The following HOTAIR variants were observed in gnomAD, a reference collection of about 807,000 sequenced individuals.
The protein encoded by HOTAIR is HOX transcript antisense RNA (non-protein coding).
intron 1 of HOTAIR, among the ~76,000 whole-genome samples, chr12:53,970,974 G>T (rs1478702762): frequency 6.6e-6 from 1 of 152,172 alleles, no homozygotes; most frequent in Non-Finnish European, 1.5e-5. Context: ...CCTCTGCAAG[G>T]ATAGGGGTAC....
intron 3 of HOTAIR, chr12:53,966,475 A>T (rs1052145784): frequency 6.6e-6 from 1 of 152,446 alleles, no homozygotes; most frequent in Non-Finnish European, 1.5e-5. Flanking sequence ...AAGGCGGTAC[A>T]CTCGGTAAGG....
At chr12:53,969,904 G>C (rs1024516551) in intron 1 of HOTAIR, among the ~76,000 whole-genome samples, 2 of 152,240 alleles carry the variant, frequency 1.3e-5, no homozygotes, top group Admixed American at 6.5e-5. Flanking sequence ...GAGCAGTGGA[G>C]GAGGTAGACA....
chr12:53,972,936 G>A (rs1050167099), intron 1 of HOTAIR, among the ~76,000 whole-genome samples: 3 of 142,748 alleles, frequency 2.1e-5, no homozygotes, highest in Non-Finnish European at 3.0e-5. Context: ...TCCTTTGCTC[G>A]TGCTGTGGTA....
rs757940064 is a variant in HOTAIR, at chr12:53,973,631, G to C, written n.59+1267C>G. 8.1e-6 allele frequency: 13 copies of C among 1,613,178 alleles called. No individual in the cohort carries two copies. The South Asian group carries it at 1.4e-4, about 18-fold the overall frequency. On this transcript the variant is annotated intron_variant and non_coding_transcript_variant, in intron 1 of 6. Transcript: ENST00000424518. The surrounding 1 kb of genome is among the most constrained non-coding windows in gnomAD (Gnocchi z 4.3). Reference sequence around the variant, plus strand: ...GCGGCCACCACCACCCCAGCGCCCCGCACGCAACCCCCGCCGGCTTCTACT... The same window carrying C: ...GCGGCCACCACCACCCCAGCGCCCCCCACGCAACCCCCGCCGGCTTCTACT...
chr12:53,965,368 G>C (rs1039441340), intron 5 of HOTAIR, among the ~76,000 whole-genome samples: 3 of 152,228 alleles, frequency 2.0e-5, no homozygotes, highest in Non-Finnish European at 2.9e-5. Flanking sequence ...GCCAATGTGA[G>C]GAAGACAGGG....
In HOTAIR at chr12:53,973,447, C is replaced by G. The variant is rs764327229; in HGVS notation, n.59+1451G>C. The G allele has an allele frequency of 2.5e-6, 4 of 1,614,192 alleles. No homozygotes were observed. Among genetic ancestry groups the G allele is most frequent in the Admixed American group, 3.3e-5 (2 of 60,032 alleles). On this transcript the variant is annotated intron_variant and non_coding_transcript_variant, in intron 1 of 6. Transcript: ENST00000424518. The surrounding 1 kb of genome is among the most constrained non-coding windows in gnomAD (Gnocchi z 4.3). ...TATCCCTACTCGGCCCAAGTGCCCC[C>G]GGTCCGGGAGGTCTCCTACGGCCTG...
intron 1 of HOTAIR, chr12:53,972,982 C>T (rs1002759828): frequency 1.5e-4 from 29 of 195,742 alleles, no homozygotes; most frequent in African/African-American, 6.7e-4. Flanking sequence ...AAAACGAATA[C>T]AAATCTGCAA....
At chr12:53,962,352 C>T (rs1938966609) in exon 7 of HOTAIR, 1 of 152,142 alleles carries the variant, frequency 6.6e-6, no homozygotes, top group African/African-American at 2.4e-5. Flanking sequence ...AAAACCACCA[C>T]ACACACACAA....
At chr12:53,964,962 A>T (rs1939024439) in intron 5 of HOTAIR, among the ~76,000 whole-genome samples, 1 of 152,216 alleles carries the variant, frequency 6.6e-6, no homozygotes, top group South Asian at 2.1e-4. Flanking sequence ...ATTACAAGTA[A>T]GGGGATAATA....
chr12:53,972,649 G>C (rs979310242), intron 1 of HOTAIR, among the ~76,000 whole-genome samples: 1 of 152,294 alleles, frequency 6.6e-6, no homozygotes, highest in East Asian at 1.9e-4. Context: ...TTGTGAACAG[G>C]CGGTGTCTCT....
At chr12:53,970,361 G>A (rs934884090) in intron 1 of HOTAIR, among the ~76,000 whole-genome samples, 16 of 152,208 alleles carry the variant, frequency 1.1e-4, no homozygotes, top group African/African-American at 3.9e-4. Flanking sequence ...GTGCAGCCTA[G>A]GGCAAACATC....
At chr12:53,971,097 TC>T (rs1317209443) in intron 1 of HOTAIR, among the ~76,000 whole-genome samples, 2 of 151,930 alleles carry the variant, frequency 1.3e-5, no homozygotes, top group Non-Finnish European at 1.5e-5. Context: ...AGTCCATAGT[TC>T]CCCACCACTA....
At chr12:53,965,672 T>C (rs1403637772) in intron 5 of HOTAIR, among the ~76,000 whole-genome samples, 1 of 148,610 alleles carries the variant, frequency 6.7e-6, no homozygotes, top group Admixed American at 6.7e-5. Context: ...AGGGAAGCTA[T>C]GAAACCAGCC....
At chr12:53,970,327 G>A (rs1939128266) in intron 1 of HOTAIR, among the ~76,000 whole-genome samples, 2 of 152,198 alleles carry the variant, frequency 1.3e-5, no homozygotes, top group South Asian at 4.1e-4. Context: ...TTGATGCTGT[G>A]GCCAGAATCC....
Position 53,973,228 on chromosome 12 carries a change from A to G in HOTAIR, n.59+1670T>C. 1 of 1,545,468 alleles carries G rather than the reference A, an allele frequency of 6.5e-7. No homozygotes were observed. The highest frequency in any genetic ancestry group is 8.7e-7 in the Non-Finnish European group (1 of 1,150,024). On this transcript the variant is annotated intron_variant and non_coding_transcript_variant, in intron 1 of 6. Coordinates refer to ENST00000424518, the Ensembl canonical transcript of HOTAIR. The surrounding 1 kb of genome is among the most constrained non-coding windows in gnomAD (Gnocchi z 4.3). ...TCCAAAACCTCCATCCGGAGCCGGC[A>G]GGAGAGGAGAACGATGTTTAACTCG...
exon 7 of HOTAIR, chr12:53,963,357 G>T (rs1592192215): frequency 6.6e-6 from 1 of 152,352 alleles, no homozygotes; most frequent in South Asian, 2.1e-4. Flanking sequence ...CCCCTTTGGG[G>T]AAGCATTTTC....
At position 53,973,191 on chromosome 12, in the gene HOTAIR, C is replaced by G; in HGVS notation, n.59+1707G>C. ...CTCGCCTTCCCAAATTTTCCCCCCT[C>G]GCTAGACCGGGTCCAAAACCTCCAT... On this transcript the variant is annotated intron_variant and non_coding_transcript_variant, in intron 1 of 6. Coordinates refer to ENST00000424518, the Ensembl canonical transcript of HOTAIR. The surrounding 1 kb of genome is among the most constrained non-coding windows in gnomAD (Gnocchi z 4.3). 6.8e-7 allele frequency: 1 copy of G among 1,468,900 alleles called. No individual in the cohort carries two copies. Among genetic ancestry groups the G allele is most frequent in the Non-Finnish European group, 9.1e-7 (1 of 1,098,008 alleles). The allele number at this position is 1,468,900 out of a possible 1,614,324, so 91.0% of individuals were successfully genotyped here.
At chr12:53,966,098 G>A (rs1374188793) in intron 4 of HOTAIR, 1 of 152,258 alleles carries the variant, frequency 6.6e-6, no homozygotes, top group Admixed American at 6.5e-5. Context: ...CTTTACCGGG[G>A]GTGAGCCGGC....
In HOTAIR at chr12:53,973,984, G is replaced by A. The variant is rs1262942328; in HGVS notation, n.59+914C>T. On this transcript the variant is annotated intron_variant and non_coding_transcript_variant, in intron 1 of 6. Transcript: ENST00000424518. The surrounding 1 kb of genome is among the most constrained non-coding windows in gnomAD (Gnocchi z 4.3). ...AGGGAGGGAGCGAGAGAGGGAGGGC[G>A]AGAGAAGGGGGGAGGCAAGGGGAGC... 5 of 1,369,724 alleles carry A rather than the reference G, an allele frequency of 3.7e-6. No individual in the cohort carries two copies. In the African/African-American group the frequency reaches 5.9e-5, roughly 16 times the overall value. The allele number at this position is 1,369,724 out of a possible 1,614,324, so 84.8% of individuals were successfully genotyped here. A position where few individuals can be genotyped will look rare whatever the true frequency, so the allele number is the denominator to read the frequency against.
Sources: gnomAD v4.1 joint callset for allele counts (sites outside exome capture counted in the v4.1 genomes callset) on GRCh38, gnomAD v4.1.1 for gene constraint, Gnocchi (gnomAD v3.1) non-coding constraint, MANE v1.5 for transcripts, NCBI Gene and HGNC (gene_info 2026-07-23, HGNC 2026-07-21) for gene names.